Variants in SNTG1 observed in about 807,000 individuals in gnomAD.
SNTG1 encodes the protein syntrophin gamma 1.
SNTG1 carries 39 observed loss-of-function variants against 74.7 expected under a neutral mutation model. The ratio of observed to expected loss-of-function variants is 0.52; its 90% CI spans 0.40 to 0.68. SNTG1 has a LOEUF of 0.68. Among genes scored for constraint, SNTG1 ranks in the 30% least tolerant of loss-of-function variants. The probability of loss-of-function intolerance (pLI) is 0.00; values close to 1 mark genes in which losing one functional copy is unlikely to be tolerated. For synonymous variants in SNTG1, 254 were observed against 217.1 expected, an observed-to-expected ratio of 1.17 and a Z score of -1.49; for missense variants, 685 against 609.5, an observed-to-expected ratio of 1.12 and a Z score of -1.30.
At chr8:50,368,513 T>C (rs544384721) in intron 2 of SNTG1, among the ~76,000 whole-genome samples, 1 of 152,238 alleles carries the variant, frequency 6.6e-6, no homozygotes, top group East Asian at 1.9e-4. Context: ...CACCCTTTGC[T>C]AAAGAGATAA....
chr8:49,967,105 CGTAAGTATTTTATCATCCTCATAA>C (rs1563407090), intron 1 of SNTG1, among the ~76,000 whole-genome samples: 2 of 152,130 alleles, frequency 1.3e-5, no homozygotes, highest in African/African-American at 4.8e-5. Flanking sequence ...GTCCCAAGGG[CGTAAGTATTTTATCATCCTCATAA>C]CAGTCCTTCG....
intron 9 of SNTG1, among the ~76,000 whole-genome samples, chr8:50,523,847 T>C (rs1474550519): frequency 6.6e-6 from 1 of 152,166 alleles, no homozygotes; most frequent in Non-Finnish European, 1.5e-5. Flanking sequence ...TTGTAAAAAA[T>C]CTGTGAAGCA....
At chr8:50,297,598 T>TCCAGATG (rs2089445678) in intron 2 of SNTG1, among the ~76,000 whole-genome samples, 1 of 152,122 alleles carries the variant, frequency 6.6e-6, no homozygotes, top group South Asian at 2.1e-4. Context: ...GGCCCCTAAG[T>TCCAGATG]GCCTCAGAGG....
intron 5 of SNTG1, among the ~76,000 whole-genome samples, chr8:50,447,726 G>A (rs112592547): frequency 1.5e-3 from 235 of 152,214 alleles, no homozygotes; most frequent in Non-Finnish European, 2.8e-3. Flanking sequence ...TTTTAGTTAG[G>A]AATGGGAAGA....
At chr8:49,946,748 GT>G (rs1563380864) in intron 1 of SNTG1, among the ~76,000 whole-genome samples, 1 of 152,018 alleles carries the variant, frequency 6.6e-6, no homozygotes. Context: ...CGATATTCTT[GT>G]TCCTTTTACC....
intron 8 of SNTG1, among the ~76,000 whole-genome samples, chr8:50,466,915 G>C (rs543182583): frequency 3.4e-4 from 51 of 152,018 alleles, no homozygotes; most frequent in African/African-American, 1.2e-3. Context: ...TTAGTTCTAA[G>C]AGGTGTCGTG....
chr8:50,097,082 G>T lies in SNTG1; in HGVS notation c.-102-75479G>T, dbSNP rs147476457. On this transcript the variant is annotated intron_variant, in intron 1 of 18. Transcript: ENST00000642720. ...CCTCCTGGGTTCACACCATTCTCCT[G>T]CCTCAGCCTCCCAAGTAGCTGGGAC... Among the ~76,000 whole-genome samples the T allele has an allele frequency of 4.1e-3, 630 of 152,018 alleles. 6 individuals carry two copies. The highest frequency in any genetic ancestry group is 0.014 in the African/African-American group (596 of 41,482).
intron 2 of SNTG1, among the ~76,000 whole-genome samples, chr8:50,201,128 A>T (rs994321700): frequency 6.6e-6 from 1 of 152,208 alleles, no homozygotes; most frequent in Non-Finnish European, 1.5e-5. Flanking sequence ...CAAGATTAAA[A>T]ACTAGAAGTT....
At chr8:50,358,241 A>T (rs1051975400) in intron 2 of SNTG1, among the ~76,000 whole-genome samples, 2 of 152,240 alleles carry the variant, frequency 1.3e-5, no homozygotes, top group Admixed American at 1.3e-4. Context: ...TAGTTTTGCC[A>T]TACAAATGTA....
At position 49,947,487 on chromosome 8, in the gene SNTG1, T is replaced by A. The variant is rs146184322; in HGVS notation, c.-103+35256T>A. 4.0e-4 allele frequency among the ~76,000 whole-genome samples: 61 copies of A among 152,272 alleles called. 1 individual carries two copies. Among genetic ancestry groups the A allele is most frequent in the African/African-American group, 1.4e-3 (57 of 41,558 alleles). On this transcript the variant is annotated intron_variant, in intron 1 of 18. Transcript: ENST00000642720. ...AGCAACCAGAGGGCTTTTACCCCATTTCCACTGATACACACGTACACAGTA... is the reference window on the plus strand; with the variant it reads ...AGCAACCAGAGGGCTTTTACCCCATATCCACTGATACACACGTACACAGTA...
intron 17 of SNTG1, among the ~76,000 whole-genome samples, chr8:50,721,811 T>A (rs1489547788): frequency 6.6e-6 from 1 of 152,100 alleles, no homozygotes; most frequent in African/African-American, 2.4e-5. Flanking sequence ...CTTGCAGGGA[T>A]CAGAGATAAC....
intron 2 of SNTG1, among the ~76,000 whole-genome samples, chr8:50,326,370 G>T (rs1462071882): frequency 6.6e-6 from 1 of 152,008 alleles, no homozygotes; most frequent in Non-Finnish European, 1.5e-5. Flanking sequence ...TTCTTTTATA[G>T]ATATAGGACT....
chr8:50,240,161 G>T (rs180686450), intron 2 of SNTG1, among the ~76,000 whole-genome samples: 4 of 152,314 alleles, frequency 2.6e-5, no homozygotes, highest in Admixed American at 2.6e-4. Flanking sequence ...AATGAGACAT[G>T]CCTAGATATT....
chr8:50,463,231 AACTCCT>A (rs1343266941), intron 8 of SNTG1, among the ~76,000 whole-genome samples: 2 of 151,996 alleles, frequency 1.3e-5, no homozygotes, highest in East Asian at 3.9e-4. Flanking sequence ...ACTTTTTCCA[AACTCCT>A]GTTAATGTTG....
intron 17 of SNTG1, among the ~76,000 whole-genome samples, chr8:50,721,364 A>G (rs570305190): frequency 4.6e-5 from 7 of 152,252 alleles, no homozygotes; most frequent in African/African-American, 1.7e-4. Flanking sequence ...GGCATTTTCA[A>G]GCTTTGAGCC....
chr8:50,235,049 A>C (rs1358904983), intron 2 of SNTG1, among the ~76,000 whole-genome samples: 1 of 152,154 alleles, frequency 6.6e-6, no homozygotes, highest in African/African-American at 2.4e-5. Context: ...GTTAGTTGAC[A>C]AAAATTTAAG....
At chr8:50,518,020 A>G (rs1291779719) in intron 9 of SNTG1, among the ~76,000 whole-genome samples, 2 of 152,206 alleles carry the variant, frequency 1.3e-5, no homozygotes, top group East Asian at 1.9e-4. Flanking sequence ...TTAGCACCAC[A>G]TCACACTTAT....
At position 50,153,238 on chromosome 8, in the gene SNTG1, C is replaced by T. The variant is rs796346450; in HGVS notation, c.-102-19323C>T. On this transcript the variant is annotated intron_variant, in intron 1 of 18. Transcript: ENST00000642720. ...TGCATGCATCAAATAGTTCTTGTGC[C>T]ACGGTTTTCAGCTCCATCAGGTCAT... Among the ~76,000 whole-genome samples, 10 of 152,222 alleles carry T rather than the reference C, an allele frequency of 6.6e-5. No individual in the cohort carries two copies. The East Asian group carries it at 1.5e-3, about 24-fold the overall frequency.
intron 16 of SNTG1, chr8:50,708,327 C>T (rs1313808992): frequency 6.5e-6 from 1 of 153,394 alleles, no homozygotes; most frequent in East Asian, 1.9e-4. Flanking sequence ...TGGTAAATAT[C>T]TGTAGGAATA....
Sources: allele counts gnomAD v4.1 joint callset (sites outside exome capture counted in the v4.1 genomes callset), GRCh38; gene constraint gnomAD v4.1.1; transcripts MANE v1.5; gene names NCBI Gene and HGNC (gene_info 2026-07-23, HGNC 2026-07-21).